Variants in COL4A1 observed in about 807,000 individuals in gnomAD.
COL4A1 encodes collagen type IV alpha 1 chain.
In COL4A1, 40 loss-of-function variants were observed where a neutral mutation model predicts 216.6. The observed-to-expected ratio is 0.18, with a 90% CI of 0.14 to 0.24. The LOEUF (loss-of-function observed/expected upper bound fraction) is 0.24, where lower values mean the gene tolerates loss of function less well. Among genes scored for constraint, COL4A1 ranks in the 10% least tolerant of loss-of-function variants. COL4A1 has a pLI of 1.00. For synonymous variants in COL4A1, 839 were observed against 810.7 expected, an observed-to-expected ratio of 1.03 and a Z score of -0.59; for missense variants, 1,628 against 2,196.8, an observed-to-expected ratio of 0.74 and a Z score of 5.18.
rs1179584999 is a variant in COL4A1 at position 110,211,362 on chromosome 13, C to T, written c.468+285G>A. Among the ~76,000 whole-genome samples, 1 of 152,234 alleles carries T rather than the reference C, an allele frequency of 6.6e-6. No homozygotes were observed. The highest frequency in any genetic ancestry group is 1.5e-5 in the Non-Finnish European group (1 of 68,040). On this transcript the variant is annotated intron_variant, in intron 8 of 51. Transcript: ENST00000375820. The surrounding 1 kb of genome is among the most constrained non-coding windows in gnomAD (Gnocchi z 4.3). Reference sequence around the variant, plus strand: ...AGGCACCCAGGGAGCCCCATTCTCCCATCTGCCTCCCCAGTTTGGGTGAAG... The same window carrying T: ...AGGCACCCAGGGAGCCCCATTCTCCTATCTGCCTCCCCAGTTTGGGTGAAG...
chr13:110,213,926 C>T lies in COL4A1; in HGVS notation c.234G>A (p.Lys78=), dbSNP rs905794416. The change falls in exon 3 of 52, where the codon AAG becomes AAA. Residue 78 remains lysine, a splice_region_variant and synonymous_variant. Transcript: ENST00000375820. The part of the protein sequence containing the change: ...PEGPQGPPGQ[K]GDTGEPGLPG... ...CCCCCAATCCCACAGCCGTGCTTAC[C>T]TTTTGTCCTGGTGGTCCCTGTGGCC... 1 of 1,614,050 alleles carries T rather than the reference C, an allele frequency of 6.2e-7. No homozygotes were observed. The highest frequency in any genetic ancestry group is 8.5e-7 in the Non-Finnish European group (1 of 1,180,006).
chr13:110,250,282 T>C (rs529059573), intron 1 of COL4A1, among the ~76,000 whole-genome samples: 3 of 152,028 alleles, frequency 2.0e-5, no homozygotes, highest in East Asian at 1.9e-4. Context: ...TGCTGTAGTA[T>C]GACTAAGATT....
chr13:110,214,058 G>A, intron 2 of COL4A1, 43 bp from the exon 3 acceptor site: 1 of 1,543,770 alleles, frequency 6.5e-7, no homozygotes, highest in Non-Finnish European at 9.0e-7. Flanking sequence ...CAGCAGTAAA[G>A]AACAGAGGAA....
At chr13:110,276,093 G>A (rs543174223) in intron 1 of COL4A1, among the ~76,000 whole-genome samples, 8 of 151,726 alleles carry the variant, frequency 5.3e-5, no homozygotes, top group African/African-American at 1.2e-4. Flanking sequence ...GCAGGTTCAC[G>A]CACTGTAGCC....
chr13:110,226,932 A>G (rs1241906620), intron 2 of COL4A1, among the ~76,000 whole-genome samples: 1 of 152,214 alleles, frequency 6.6e-6, no homozygotes, highest in Non-Finnish European at 1.5e-5. Flanking sequence ...GCTACTTCAT[A>G]AATACTTAAA....
chr13:110,212,281 A>G, intron 6 of COL4A1, 136 bp downstream of exon 6: 1 of 1,062,240 alleles, frequency 9.4e-7, no homozygotes, highest in Non-Finnish European at 1.4e-6. Flanking sequence ...CTTACTAAAT[A>G]AAGCAAACTT....
At chr13:110,236,987 C>T (rs537794624) in intron 2 of COL4A1, among the ~76,000 whole-genome samples, 96 of 152,240 alleles carry the variant, frequency 6.3e-4, no homozygotes, top group Admixed American at 1.3e-3. Flanking sequence ...GTTGTTGAAC[C>T]GGGCTGGAGG....
intron 1 of COL4A1, among the ~76,000 whole-genome samples, chr13:110,277,554 C>G (rs1488684015): frequency 1.3e-5 from 2 of 152,336 alleles, no homozygotes; most frequent in Non-Finnish European, 1.5e-5. Flanking sequence ...AGGGTCTGCA[C>G]TCTGCTCTCA....
chr13:110,224,084 T>G (rs1880628018), intron 2 of COL4A1, among the ~76,000 whole-genome samples: 1 of 152,170 alleles, frequency 6.6e-6, no homozygotes, highest in African/African-American at 2.4e-5. Context: ...GCTTCCAACT[T>G]GAGCTCCAGC....
intron 9 of COL4A1, 42 bp from the exon 10 acceptor site, chr13:110,210,084 G>A: frequency 4.3e-6 from 7 of 1,613,830 alleles, no homozygotes; most frequent in Non-Finnish European, 5.9e-6. Context: ...TGCGAACTGG[G>A]AGGGTGAGGT....
chr13:110,219,648 A>ATATATATATATGTGTG (rs1880274267), intron 2 of COL4A1, among the ~76,000 whole-genome samples: 2 of 105,292 alleles, frequency 1.9e-5, no homozygotes, highest in South Asian at 3.0e-4. Context: ...TAAGTTGAAA[A>ATATATATATATGTGTG]TATATATATA....
intron 1 of COL4A1, among the ~76,000 whole-genome samples, chr13:110,295,588 G>A (rs2139316973): frequency 6.6e-6 from 1 of 152,038 alleles, no homozygotes; most frequent in Non-Finnish European, 1.5e-5. Context: ...ACCACGCCTA[G>A]CCAATTTTTG....
intron 1 of COL4A1, among the ~76,000 whole-genome samples, chr13:110,260,988 G>A (rs1882795215): frequency 7.9e-6 from 1 of 127,234 alleles, no homozygotes. Context: ...AGTGAGCTGA[G>A]ATCGCGCCAC....
chr13:110,290,200 T>C (rs574666248), intron 1 of COL4A1, among the ~76,000 whole-genome samples: 1 of 152,288 alleles, frequency 6.6e-6, no homozygotes, highest in South Asian at 2.1e-4. Context: ...TTAAAGTTCA[T>C]TTTCCTGGTT....
At position 110,179,052 on chromosome 13, in the gene COL4A1, T is replaced by C; in HGVS notation, c.2345-16A>G. ...CCCGGTTCACCTGGAGAAGAAAAAT[T>C]GAGAGTAAGCTGTACAGGAGCAGTG... On this transcript the variant is annotated splice_polypyrimidine_tract_variant and intron_variant, in intron 30 of 51. Coordinates refer to ENST00000375820, the MANE Select transcript of COL4A1 (RefSeq NM_001845.6). The C allele has an allele frequency of 6.2e-7, 1 of 1,603,114 alleles. No homozygotes were observed. Among genetic ancestry groups the C allele is most frequent in the East Asian group, 2.2e-5 (1 of 44,596 alleles).
At chr13:110,240,866 T>C (rs1397754592) in intron 2 of COL4A1, among the ~76,000 whole-genome samples, 1 of 120,694 alleles carries the variant, frequency 8.3e-6, no homozygotes, top group African/African-American at 2.7e-5. Context: ...TACAAGTTTT[T>C]TGGTTTTTGG....
rs943734573 is a variant in COL4A1 at position 110,222,772 on chromosome 13, TAAAAAAA to T, written c.145-8764_145-8758del. Among the ~76,000 whole-genome samples the T allele has an allele frequency of 1.4e-3, 127 of 92,070 alleles. 1 individual carries two copies. The highest frequency in any genetic ancestry group is 5.1e-3 in the African/African-American group (120 of 23,526). 60.4% of individuals were successfully genotyped at this position (92,070 alleles called of 152,430 possible). A position where few individuals can be genotyped will look rare whatever the true frequency, so the allele number is the denominator to read the frequency against. ...TGGGCGACAGAGCCAGACTCTGCTT[TAAAAAAA>T]AAAAAAAAAAAAAAAAAAAGAATTA... On this transcript the variant is annotated intron_variant, in intron 2 of 51. Transcript: ENST00000375820.
intron 10 of COL4A1, chr13:110,209,709 C>T: frequency 2.9e-6 from 2 of 692,822 alleles, no homozygotes; most frequent in East Asian, 2.6e-5. Context: ...TGACTATCAG[C>T]AGTACCCCGC....
Position 110,201,535 on chromosome 13 carries a change from G to C in COL4A1, c.1000-13C>G, listed in dbSNP as rs115358624. 3,353 of 1,612,556 alleles carry C rather than the reference G, an allele frequency of 2.1e-3. 62 individuals are homozygous for C. The African/African-American group carries it at 0.039, about 19-fold the overall frequency. On this transcript the variant is annotated splice_polypyrimidine_tract_variant and intron_variant, in intron 18 of 51. Coordinates refer to ENST00000375820, the MANE Select transcript of COL4A1 (RefSeq NM_001845.6). ...CTGTGCCTATAACCTGAATCGAGAA[G>C]GAAAAGGTGATCATCCCGTGGCATG...
Sources: gnomAD v4.1 joint callset for allele counts (sites outside exome capture counted in the v4.1 genomes callset) on GRCh38, gnomAD v4.1.1 for gene constraint, Gnocchi (gnomAD v3.1) non-coding constraint, MANE v1.5 for transcripts, NCBI Gene and HGNC (gene_info 2026-07-23, HGNC 2026-07-21) for gene names.